The following CNTN5 variants were observed in gnomAD, a reference collection of about 807,000 sequenced individuals.
The protein encoded by CNTN5 is contactin-5.
A neutral mutation model predicts 129.1 loss-of-function variants in CNTN5; 77 were observed. The ratio of observed to expected loss-of-function variants is 0.60; its 90% CI spans 0.50 to 0.72. The LOEUF is 0.72. Among genes scored for constraint, CNTN5 ranks in the 30% least tolerant of loss-of-function variants. CNTN5 has a pLI of 0.00. For synonymous variants in CNTN5, 509 were observed against 465.6 expected (o/e 1.09, Z -1.20); for missense variants, 1,478 against 1,328.8 (o/e 1.11, Z -1.75).
intron 3 of CNTN5, among the ~76,000 whole-genome samples, chr11:99,696,985 C>T (rs1954297619): frequency 6.6e-6 from 1 of 151,876 alleles, no homozygotes; most frequent in Non-Finnish European, 1.5e-5. Context: ...AACAAACCCT[C>T]TCTTGATGGG....
chr11:100,269,986 T>C (rs1334212614), intron 17 of CNTN5, among the ~76,000 whole-genome samples: 1 of 152,182 alleles, frequency 6.6e-6, no homozygotes, highest in Non-Finnish European at 1.5e-5. Context: ...GACAGTGGCC[T>C]TTCCCTCACC....
intron 1 of CNTN5, among the ~76,000 whole-genome samples, chr11:99,225,348 GC>G (rs1467499901): frequency 1.3e-5 from 2 of 152,076 alleles, no homozygotes; most frequent in African/African-American, 4.8e-5. Context: ...AAAGGCTATT[GC>G]CTTTTTGTGT....
At chr11:99,903,217 G>A (rs533053232) in intron 6 of CNTN5, among the ~76,000 whole-genome samples, 4 of 152,046 alleles carry the variant, frequency 2.6e-5, no homozygotes, top group Admixed American at 1.3e-4. Flanking sequence ...AAATTTGGCA[G>A]AGCAAAACAC....
At chr11:100,245,158 GT>G (rs1949816859) in intron 16 of CNTN5, among the ~76,000 whole-genome samples, 1 of 152,024 alleles carries the variant, frequency 6.6e-6, no homozygotes. Flanking sequence ...GGGCCCACAG[GT>G]TTGTTTTGTC....
intron 13 of CNTN5, among the ~76,000 whole-genome samples, chr11:100,112,007 T>C (rs1945672856): frequency 6.6e-6 from 1 of 152,226 alleles, no homozygotes; most frequent in Admixed American, 6.5e-5. Flanking sequence ...CCAGTACTAG[T>C]CATGAATCTT....
intron 8 of CNTN5, among the ~76,000 whole-genome samples, chr11:99,963,996 G>T (rs1347492456): frequency 6.6e-6 from 1 of 152,116 alleles, no homozygotes; most frequent in Non-Finnish European, 1.5e-5. Context: ...TCTGATTTTT[G>T]CACACTGATT....
intron 1 of CNTN5, among the ~76,000 whole-genome samples, chr11:99,230,752 A>G (rs1408740210): frequency 6.6e-6 from 1 of 152,130 alleles, no homozygotes. Context: ...GCACCTATCA[A>G]ACCATCACAT....
intron 18 of CNTN5, among the ~76,000 whole-genome samples, chr11:100,291,642 C>G (rs1185768906): frequency 6.6e-6 from 1 of 151,608 alleles, no homozygotes; most frequent in African/African-American, 2.4e-5. Context: ...GGGAGATATA[C>G]CTAATGCTAG....
At chr11:99,170,763 A>G (rs958201319) in intron 1 of CNTN5, among the ~76,000 whole-genome samples, 2 of 152,200 alleles carry the variant, frequency 1.3e-5, no homozygotes, top group Admixed American at 6.5e-5. Context: ...AGCAGACTGC[A>G]GGCTCCAGGC....
chr11:99,867,284 T>G (rs566853384), intron 6 of CNTN5, among the ~76,000 whole-genome samples: 75 of 152,328 alleles, frequency 4.9e-4, no homozygotes, highest in African/African-American at 1.7e-3. Context: ...TAAGTAAACA[T>G]GTATTTATTG....
chr11:99,463,264 C>T, intron 2 of CNTN5, among the ~76,000 whole-genome samples: 1 of 150,456 alleles, frequency 6.6e-6, no homozygotes, highest in Non-Finnish European at 1.5e-5. Context: ...CGGTGAAACC[C>T]CATCTCTACT....
chr11:99,689,253 C>T (rs986148445), intron 3 of CNTN5, among the ~76,000 whole-genome samples: 7 of 152,008 alleles, frequency 4.6e-5, no homozygotes, highest in Non-Finnish European at 8.8e-5. Flanking sequence ...GAGGGCCGGG[C>T]GTGGTGGCTC....
intron 3 of CNTN5, among the ~76,000 whole-genome samples, chr11:99,766,480 T>G (rs926904195): frequency 2.0e-5 from 3 of 152,032 alleles, no homozygotes; most frequent in Admixed American, 2.0e-4. Context: ...TAACTCTATT[T>G]TATGTTCCTC....
intron 9 of CNTN5, among the ~76,000 whole-genome samples, chr11:100,026,998 T>A (rs1212285849): frequency 6.6e-6 from 1 of 152,136 alleles, no homozygotes; most frequent in Non-Finnish European, 1.5e-5. Context: ...AGTTTTTATC[T>A]CTAAAATTCT....
chr11:99,630,260 ATATATATATG>A (rs1383368257), intron 3 of CNTN5, among the ~76,000 whole-genome samples: 1 of 95,158 alleles, frequency 1.1e-5, no homozygotes, highest in East Asian at 2.9e-4. Flanking sequence ...ATATATATAT[ATATATATATG>A]TATATACACA....
At chr11:99,483,830 T>C (rs1945701174) in intron 2 of CNTN5, among the ~76,000 whole-genome samples, 1 of 152,056 alleles carries the variant, frequency 6.6e-6, no homozygotes, top group Non-Finnish European at 1.5e-5. Context: ...CTTCAGTAAA[T>C]GGTGCTAAAA....
intron 2 of CNTN5, among the ~76,000 whole-genome samples, chr11:99,353,176 G>A (rs1454153440): frequency 6.6e-6 from 1 of 152,086 alleles, no homozygotes; most frequent in Non-Finnish European, 1.5e-5. Flanking sequence ...CAGTACTATT[G>A]CTATTTTCAA....
chr11:99,960,973 C>T (rs934923280), intron 8 of CNTN5, among the ~76,000 whole-genome samples: 1 of 151,900 alleles, frequency 6.6e-6, no homozygotes, highest in East Asian at 1.9e-4. Context: ...GAGGCCGTGG[C>T]GAGCGGATCA....
chr11:100,115,412 A>C (rs1945812093), intron 13 of CNTN5, among the ~76,000 whole-genome samples: 1 of 152,066 alleles, frequency 6.6e-6, no homozygotes, highest in Non-Finnish European at 1.5e-5. Flanking sequence ...CACACACACC[A>C]AAAAAACAAA....
Sources: allele counts gnomAD v4.1 joint callset (sites outside exome capture counted in the v4.1 genomes callset), GRCh38; gene constraint gnomAD v4.1.1; transcripts MANE v1.5; gene names NCBI Gene and HGNC (gene_info 2026-07-23, HGNC 2026-07-21).